Variants in RALGPS2 observed in about 807,000 individuals in gnomAD.
RALGPS2 encodes the protein ras-specific guanine nucleotide-releasing factor RalGPS2.
A neutral mutation model predicts 86.8 loss-of-function variants in RALGPS2; 43 were observed. The observed-to-expected ratio is 0.50, with a 90% CI of 0.39 to 0.64. The LOEUF (loss-of-function observed/expected upper bound fraction) is 0.64, where lower values mean the gene tolerates loss of function less well. Ranked by LOEUF, RALGPS2 falls within the 30% of genes least tolerant of loss-of-function variation. RALGPS2 has a pLI of 0.00. For synonymous variants in RALGPS2, 243 were observed against 231.3 expected, an observed-to-expected ratio of 1.05 and a Z score of -0.46; for missense variants, 536 against 694.6, an observed-to-expected ratio of 0.77 and a Z score of 2.57.
Position 178,865,337 on chromosome 1 carries a change from T to G in RALGPS2, c.608-12161T>G, listed in dbSNP as rs372155068. Reference sequence around the variant, plus strand: ...TTCCAGTTGGGAAAGTTCAAGTGAATTATCCCTCTTACGGATAATCTCATG... The same window carrying G: ...TTCCAGTTGGGAAAGTTCAAGTGAAGTATCCCTCTTACGGATAATCTCATG... On this transcript the variant is annotated intron_variant, in intron 8 of 19. Coordinates refer to ENST00000367635, the MANE Select transcript of RALGPS2 (RefSeq NM_152663.5). The G allele has an allele frequency of 2.4e-4, 383 of 1,614,080 alleles. 9 individuals are homozygous for G. In the South Asian group the frequency reaches 4.0e-3, roughly 17 times the overall value.
chr1:178,807,948 A>G, intron 4 of RALGPS2, 97 bp from the exon 5 acceptor site: 1 of 787,796 alleles, frequency 1.3e-6, no homozygotes, highest in Non-Finnish European at 2.2e-6. Flanking sequence ...GTGATTCTAG[A>G]AAAGAACACA....
Position 178,821,668 on chromosome 1 carries a change from G to A in RALGPS2, c.444G>A (p.Gln148=). Residue 148 remains glutamine (Q), a synonymous_variant, in exon 7 of 20, where the codon CAG becomes CAA. Coordinates refer to ENST00000367635, the MANE Select transcript of RALGPS2 (RefSeq NM_152663.5). ...HALMAVVSGL[Q]SAPIFRLTKT... ...TTATGGCAGTGGTTTCTGGCCTACA[G>A]AGTGCCCCAATTTTCAGGTTGACTA... is the stretch of plus-strand genomic sequence containing the variant. 6.2e-7 allele frequency: 1 copy of A among 1,613,542 alleles called. No homozygotes were observed. The highest frequency in any genetic ancestry group is 8.5e-7 in the Non-Finnish European group (1 of 1,179,724).
chr1:178,767,358 CTTTTTTTTTT>C (rs1159630163), intron 1 of RALGPS2, among the ~76,000 whole-genome samples: 1 of 70,432 alleles, frequency 1.4e-5, no homozygotes, highest in East Asian at 5.3e-4. Flanking sequence ...TGTCCTTTGG[CTTTTTTTTTT>C]TTTTTTTTTT....
chr1:178,761,124 G>A (rs1652217380), intron 1 of RALGPS2, among the ~76,000 whole-genome samples: 1 of 151,802 alleles, frequency 6.6e-6, no homozygotes, highest in Non-Finnish European at 1.5e-5. Context: ...ACAGGTATGT[G>A]CCACCATGCC....
intron 8 of RALGPS2, among the ~76,000 whole-genome samples, chr1:178,875,596 G>T (rs1001659344): frequency 6.6e-6 from 1 of 151,812 alleles, no homozygotes; most frequent in East Asian, 1.9e-4. Flanking sequence ...AAAAATGCAA[G>T]AACTACCCAG....
intron 19 of RALGPS2, among the ~76,000 whole-genome samples, chr1:178,911,761 A>AT (rs1660636163): frequency 6.6e-6 from 1 of 152,150 alleles, no homozygotes; most frequent in African/African-American, 2.4e-5. Context: ...AGTCCAGAAC[A>AT]TTTTTGTTAG....
chr1:178,730,581 A>C (rs575398515), intron 1 of RALGPS2, among the ~76,000 whole-genome samples: 1 of 152,242 alleles, frequency 6.6e-6, no homozygotes, highest in East Asian at 1.9e-4. Flanking sequence ...TTTAAAAAAA[A>C]AAAATGAAAA....
intron 6 of RALGPS2, among the ~76,000 whole-genome samples, chr1:178,812,545 G>A (rs1655031938): frequency 6.6e-6 from 1 of 152,156 alleles, no homozygotes; most frequent in East Asian, 1.9e-4. Flanking sequence ...GCTTTTCAGG[G>A]CTATATCTGT....
chr1:178,747,365 A>G (rs927181468), intron 1 of RALGPS2: 1 of 1,534,580 alleles, frequency 6.5e-7, no homozygotes, highest in South Asian at 1.1e-5. Context: ...GATATTTTCT[A>G]ATTGTGGTAG....
intron 1 of RALGPS2, among the ~76,000 whole-genome samples, chr1:178,741,518 A>G (rs572460466): frequency 6.6e-6 from 1 of 152,342 alleles, no homozygotes; most frequent in South Asian, 2.1e-4. Flanking sequence ...TGACAAAGAC[A>G]TAGTATACCT....
At chr1:178,794,659 C>G (rs904110052) in intron 4 of RALGPS2, among the ~76,000 whole-genome samples, 16 of 152,152 alleles carry the variant, frequency 1.1e-4, no homozygotes, top group Non-Finnish European at 2.1e-4. Flanking sequence ...AATGAACTTT[C>G]TGTTACTAAG....
chr1:178,859,866 G>A (rs112200229), intron 8 of RALGPS2, among the ~76,000 whole-genome samples: 6,158 of 112,678 alleles, frequency 0.055, 581 homozygotes, highest in African/African-American at 0.2. Flanking sequence ...ACAGGCGCCC[G>A]CCACCACGCC....
At chr1:178,895,199 A>G (rs1659888180) in intron 16 of RALGPS2, among the ~76,000 whole-genome samples, 1 of 152,056 alleles carries the variant, frequency 6.6e-6, no homozygotes. Context: ...TTTGAAATAT[A>G]AAACCTTTGA....
Position 178,893,818 on chromosome 1 carries a change from A to G in RALGPS2, c.1326-101A>G, listed in dbSNP as rs532236842. 1.5e-4 allele frequency: 116 copies of G among 767,306 alleles called. No homozygotes were observed. The African/African-American group carries it at 1.6e-3, about 11-fold the overall frequency. 47.5% of individuals were successfully genotyped at this position (767,306 alleles called of 1,614,324 possible). A position where few individuals can be genotyped will look rare whatever the true frequency, so the allele number is the denominator to read the frequency against. On this transcript the variant is annotated intron_variant, in intron 15 of 19. Coordinates refer to ENST00000367635, the MANE Select transcript of RALGPS2 (RefSeq NM_152663.5). ...TGTCTTCTCAGCTCTGAATAAAGTA[A>G]CAAACTTTTAAAATTAAGAATAATT...
rs940336188 is a variant in RALGPS2 at position 178,882,617 on chromosome 1, A to G, written c.837-849A>G. Among the ~76,000 whole-genome samples the G allele has an allele frequency of 5.9e-5, 9 of 152,366 alleles. 1 individual carries two copies. Among genetic ancestry groups the G allele is most frequent in the Middle Eastern group, 6.8e-3 (2 of 294 alleles). ...AGTAGAATACTAAACAGTTTTTATT[A>G]AATTTCAGACAGACTCCGCAATATT... On this transcript the variant is annotated intron_variant, in intron 10 of 19. Coordinates refer to ENST00000367635, the MANE Select transcript of RALGPS2 (RefSeq NM_152663.5).
chr1:178,790,050 A>G (rs1376006616), intron 4 of RALGPS2, among the ~76,000 whole-genome samples: 3 of 152,080 alleles, frequency 2.0e-5, no homozygotes, highest in Non-Finnish European at 2.9e-5. Context: ...CCAGGCCCAA[A>G]TGATCCTCCC....
intron 17 of RALGPS2, among the ~76,000 whole-genome samples, chr1:178,898,176 T>G (rs1356085456): frequency 6.6e-6 from 1 of 152,070 alleles, no homozygotes; most frequent in East Asian, 1.9e-4. Flanking sequence ...GTGCTTCATA[T>G]TACTTAAAAG....
At chr1:178,850,672 CA>C (rs1483445864) in intron 8 of RALGPS2, 1 of 152,276 alleles carries the variant, frequency 6.6e-6, no homozygotes, top group Admixed American at 6.6e-5. Flanking sequence ...TTTCTATTGG[CA>C]AAACTAGAGG....
At chr1:178,763,631 G>C (rs1000001605) in intron 1 of RALGPS2, among the ~76,000 whole-genome samples, 1 of 152,040 alleles carries the variant, frequency 6.6e-6, no homozygotes, top group Non-Finnish European at 1.5e-5. Flanking sequence ...TTACATTTTT[G>C]CTTTGGCTCT....
Sources: allele counts gnomAD v4.1 joint callset (sites outside exome capture counted in the v4.1 genomes callset), GRCh38; gene constraint gnomAD v4.1.1; transcripts MANE v1.5; gene names NCBI Gene and HGNC (gene_info 2026-07-23, HGNC 2026-07-21).